Variants in PCNX2 observed in about 807,000 individuals in gnomAD.
PCNX2 encodes pecanex 2.
PCNX2 carries 168 observed loss-of-function variants against 223.8 expected under a neutral mutation model. The ratio of observed to expected loss-of-function variants is 0.75; its 90% CI spans 0.66 to 0.85. The LOEUF (loss-of-function observed/expected upper bound fraction) is 0.85, where lower values mean the gene tolerates loss of function less well. Among genes scored for constraint, PCNX2 ranks in the 40% least tolerant of loss-of-function variants. The pLI is 0.00. For synonymous variants in PCNX2, 1,006 were observed against 1,052.6 expected, an observed-to-expected ratio of 0.96 and a Z score of 0.86; for missense variants, 2,507 against 2,675.5, an observed-to-expected ratio of 0.94 and a Z score of 1.39.
At chr1:233,199,554 G>GCC (rs1210292601) in intron 14 of PCNX2, among the ~76,000 whole-genome samples, 5 of 152,156 alleles carry the variant, frequency 3.3e-5, no homozygotes, top group African/African-American at 1.2e-4. Flanking sequence ...ATGAGGTTAT[G>GCC]ATGTTTATTT....
chr1:233,302,516 A>AT, the PCNX2 span, among the ~76,000 whole-genome samples: 1 of 151,366 alleles, frequency 6.6e-6, no homozygotes, highest in African/African-American at 2.4e-5. Context: ...TTATCAAATG[A>AT]TTTTTTTTAA....
chr1:233,018,481 G>A (rs1670762777), intron 26 of PCNX2, among the ~76,000 whole-genome samples: 1 of 152,162 alleles, frequency 6.6e-6, no homozygotes, highest in Non-Finnish European at 1.5e-5. Flanking sequence ...GTCCCACTTG[G>A]GGAAAATGCC....
intron 28 of PCNX2, among the ~76,000 whole-genome samples, chr1:233,009,294 T>C (rs1468349635): frequency 6.6e-6 from 1 of 152,220 alleles, no homozygotes; most frequent in Non-Finnish European, 1.5e-5. Flanking sequence ...TGAACTAGTA[T>C]ATTTCAGCAA....
At chr1:233,201,332 T>A (rs928535327) in intron 13 of PCNX2, among the ~76,000 whole-genome samples, 1 of 152,118 alleles carries the variant, frequency 6.6e-6, no homozygotes, top group Non-Finnish European at 1.5e-5. Flanking sequence ...AAGTAGAGCA[T>A]CTGAAAGCAG....
intron 1 of PCNX2, among the ~76,000 whole-genome samples, chr1:233,277,304 A>C (rs997994542): frequency 6.6e-6 from 1 of 152,204 alleles, no homozygotes; most frequent in African/African-American, 2.4e-5. Flanking sequence ...TACAGCTTTC[A>C]AGATAGTGTC....
chr1:233,134,503 GGTACC>G (rs1241822376), intron 21 of PCNX2, among the ~76,000 whole-genome samples: 2 of 152,040 alleles, frequency 1.3e-5, no homozygotes, highest in African/African-American at 2.4e-5. Context: ...CCTGCTCTTG[GGTACC>G]AGTTCCTTAA....
intron 26 of PCNX2, 74 bp from the exon 27 acceptor site, chr1:233,017,228 G>T: frequency 9.2e-7 from 1 of 1,092,748 alleles, no homozygotes; most frequent in African/African-American, 2.1e-5. Context: ...AGGAAAGTAA[G>T]AGGCATGAAA....
chr1:233,110,240 C>T lies in PCNX2; in HGVS notation c.3838-14377G>A, dbSNP rs1675042261. Among the ~76,000 whole-genome samples the T allele has an allele frequency of 4.6e-5, 7 of 152,042 alleles. No individual in the cohort carries two copies. In the South Asian group the frequency reaches 1.0e-3, roughly 23 times the overall value. ...ATATATTCAAACTGCTGAAAACAAA[C>T]GACAAAAAGAAATCTTGAAGGCAGC... On this transcript the variant is annotated intron_variant, in intron 21 of 33. Coordinates refer to ENST00000258229, the MANE Select transcript of PCNX2 (RefSeq NM_014801.4).
chr1:233,284,536 A>G (rs896336386), intron 1 of PCNX2, among the ~76,000 whole-genome samples: 2 of 152,016 alleles, frequency 1.3e-5, no homozygotes, highest in African/African-American at 4.8e-5. Context: ...TTTACTGTAC[A>G]GCACCTGCAC....
At chr1:233,085,614 A>G (rs1425187904) in intron 23 of PCNX2, among the ~76,000 whole-genome samples, 1 of 152,168 alleles carries the variant, frequency 6.6e-6, no homozygotes, top group Non-Finnish European at 1.5e-5. Context: ...TTACTTGTAG[A>G]AAATAGAATG....
Position 233,211,744 on chromosome 1 carries a change from A to G in PCNX2, c.2692-3055T>C, listed in dbSNP as rs546369276. The G allele has an allele frequency of 4.9e-5, 48 of 982,742 alleles. No individual in the cohort carries two copies. In the South Asian group the frequency reaches 2.2e-3, roughly 45 times the overall value. The allele number at this position is 982,742 out of a possible 1,614,324, so 60.9% of individuals were successfully genotyped here. A position where few individuals can be genotyped will look rare whatever the true frequency, so the allele number is the denominator to read the frequency against. ...TGTGGCACTGGATTCTCCAGACCCA[A>G]GGACTCAGCCTGACATCACAAAATT... is the stretch of plus-strand genomic sequence containing the variant. On this transcript the variant is annotated intron_variant, in intron 12 of 33. Coordinates refer to ENST00000258229, the MANE Select transcript of PCNX2 (RefSeq NM_014801.4).
intron 23 of PCNX2, among the ~76,000 whole-genome samples, chr1:233,085,202 G>A (rs1333227427): frequency 1.3e-5 from 2 of 151,874 alleles, no homozygotes; most frequent in Admixed American, 6.6e-5. Context: ...GTGTGGTGGC[G>A]GGCCTCTGTA....
At chr1:233,121,909 T>C (rs1675817867) in intron 21 of PCNX2, among the ~76,000 whole-genome samples, 1 of 152,150 alleles carries the variant, frequency 6.6e-6, no homozygotes, top group South Asian at 2.1e-4. Flanking sequence ...AATGCCTAGA[T>C]GCAATGACAC....
At position 233,139,979 on chromosome 1, in the gene PCNX2, A is replaced by T; in HGVS notation, c.3518-124T>A. 1 of 1,224,846 alleles carries T rather than the reference A, an allele frequency of 8.2e-7. No homozygotes were observed. Among genetic ancestry groups the T allele is most frequent in the Non-Finnish European group, 1.1e-6 (1 of 896,176 alleles). 75.9% of individuals were successfully genotyped at this position (1,224,846 alleles called of 1,614,324 possible). A position where few individuals can be genotyped will look rare whatever the true frequency, so the allele number is the denominator to read the frequency against. On this transcript the variant is annotated intron_variant, in intron 19 of 33. Coordinates refer to ENST00000258229, the MANE Select transcript of PCNX2 (RefSeq NM_014801.4). The surrounding 1 kb of genome is among the most constrained non-coding windows in gnomAD (Gnocchi z 4.4). ...AAGCTGCTAATTAAGAACTCGTGAT[A>T]CTAGACATGATATACCATTTTTTTC...
At chr1:233,035,340 A>G (rs898661339) in intron 25 of PCNX2, among the ~76,000 whole-genome samples, 4 of 152,232 alleles carry the variant, frequency 2.6e-5, no homozygotes, top group African/African-American at 9.6e-5. Flanking sequence ...ACAAAAAGGA[A>G]TCTAACTGGA....
intron 21 of PCNX2, among the ~76,000 whole-genome samples, chr1:233,122,859 G>GA (rs2102739404): frequency 6.6e-6 from 1 of 152,198 alleles, no homozygotes; most frequent in East Asian, 1.9e-4. Flanking sequence ...AATGATACTT[G>GA]ACCTACATGG....
intron 23 of PCNX2, chr1:233,087,114 T>A: frequency 1.0e-6 from 1 of 985,404 alleles, no homozygotes; most frequent in Non-Finnish European, 1.2e-6. Context: ...GCCGTGATTA[T>A]CAGGTCACTG....
intron 21 of PCNX2, among the ~76,000 whole-genome samples, chr1:233,096,314 A>G (rs1311021013): frequency 6.6e-6 from 1 of 152,242 alleles, no homozygotes; most frequent in Non-Finnish European, 1.5e-5. Flanking sequence ...CAAGTTACAA[A>G]GTACTTTAGA....
rs1669387257 is a variant in PCNX2 at position 232,984,395 on chromosome 1, TCCG to T, written c.6320_6322del (p.Ala2107del). On this transcript the variant is annotated inframe_deletion, in exon 34 of 34. Coordinates refer to ENST00000258229, the MANE Select transcript of PCNX2 (RefSeq NM_014801.4). ...TCTCCTGCAGACAACCCCGAGAGTG[TCCG>T]CCACAGCCTCAGCCAGACATCGGTC... 5.6e-6 allele frequency: 9 copies of T among 1,613,492 alleles called. No homozygotes were observed. The highest frequency in any genetic ancestry group is 7.6e-6 in the Non-Finnish European group (9 of 1,179,838).
Sources: allele counts gnomAD v4.1 joint callset (sites outside exome capture counted in the v4.1 genomes callset), GRCh38; gene constraint gnomAD v4.1.1; non-coding constraint Gnocchi (gnomAD v3.1); transcripts MANE v1.5; gene names NCBI Gene and HGNC (gene_info 2026-07-23, HGNC 2026-07-21).